Variants in TNFRSF21 observed in about 807,000 individuals in gnomAD.
TNFRSF21 encodes TNF receptor superfamily member 21.
In TNFRSF21, 19 loss-of-function variants were observed where a neutral mutation model predicts 45.6. That is an observed-to-expected ratio of 0.42 (90% CI 0.29 to 0.61). The LOEUF (loss-of-function observed/expected upper bound fraction) is 0.61, where lower values mean the gene tolerates loss of function less well. Among genes scored for constraint, TNFRSF21 ranks in the 20% least tolerant of loss-of-function variants. The pLI, the probability that TNFRSF21 is intolerant of heterozygous loss-of-function variation, is 0.23. For missense variants in TNFRSF21, 737 were observed against 851.5 expected (o/e 0.87, Z 1.67); for synonymous variants, 314 against 335.5 (o/e 0.94, Z 0.70).
Position 47,231,849 on chromosome 6 carries a change from C to CATA in TNFRSF21, c.*915_*916insTAT, listed in dbSNP as rs1764587084. 1 of 152,626 alleles carries CATA rather than the reference C, an allele frequency of 6.6e-6. No individual in the cohort carries two copies. The highest frequency in any genetic ancestry group is 2.4e-5 in the African/African-American group (1 of 41,442). 9.5% of individuals were successfully genotyped at this position (152,626 alleles called of 1,614,324 possible). Reference sequence around the variant, plus strand: ...ATAAAAAACAAGACATCTTTTAAAGCAAAGCTGGGCAAATTCTCTATGGAA... The same window carrying CATA: ...ATAAAAAACAAGACATCTTTTAAAGCATAAAAGCTGGGCAAATTCTCTATGGAA... On this transcript the variant is annotated 3_prime_UTR_variant, in exon 6 of 6. Coordinates refer to ENST00000296861, the MANE Select transcript of TNFRSF21 (RefSeq NM_014452.5).
At chr6:47,284,772 T>C (rs1157684692) in intron 2 of TNFRSF21, among the ~76,000 whole-genome samples, 1 of 152,196 alleles carries the variant, frequency 6.6e-6, no homozygotes, top group Non-Finnish European at 1.5e-5. Context: ...TTATTTTGAG[T>C]TTTCAGAGAA....
chr6:47,249,138 C>T (rs561429152), intron 4 of TNFRSF21, among the ~76,000 whole-genome samples: 2 of 152,218 alleles, frequency 1.3e-5, no homozygotes, highest in African/African-American at 4.8e-5. Context: ...CTCCTCCCAA[C>T]CTCTTGGATT....
At chr6:47,302,911 G>T (rs1180251852) in intron 1 of TNFRSF21, among the ~76,000 whole-genome samples, 1 of 152,184 alleles carries the variant, frequency 6.6e-6, no homozygotes, top group Admixed American at 6.5e-5. Flanking sequence ...GTAAAATGGG[G>T]CTAATGCTAC....
rs533443859 is a variant in TNFRSF21, at chr6:47,255,663, G to A, written c.1244-2142C>T. ...TTTTAGTAGAGATGAGGTTTCATCA[G>A]TGTTGGCCAGGCTGGTCTCAAACTC... is the stretch of plus-strand genomic sequence containing the variant. On this transcript the variant is annotated intron_variant, in intron 3 of 5. Coordinates refer to ENST00000296861, the MANE Select transcript of TNFRSF21 (RefSeq NM_014452.5). Among the ~76,000 whole-genome samples, 556 of 152,118 alleles carry A rather than the reference G, an allele frequency of 3.7e-3. 3 individuals carry two copies. Among genetic ancestry groups the A allele is most frequent in the South Asian group, 0.021 (103 of 4,824 alleles).
At position 47,284,159 on chromosome 6, in the gene TNFRSF21, T is replaced by A. The variant is rs775155357; in HGVS notation, c.1022A>T (p.His341Leu). 3.3e-5 allele frequency: 54 copies of A among 1,614,096 alleles called. No homozygotes were observed. The highest frequency in any genetic ancestry group is 4.3e-5 in the Non-Finnish European group (51 of 1,180,042). ...PKRGHPRQNL[H>L]KHFDINEHLP... Reference sequence around the variant, plus strand: ...ATGCTCATTGATGTCAAAATGCTTGTGTAGGTTCTGTCTAGGATGTCCCCT... The same window carrying A: ...ATGCTCATTGATGTCAAAATGCTTGAGTAGGTTCTGTCTAGGATGTCCCCT... The change falls in exon 3 of 6, where the codon CAC becomes CTC. Residue 341 changes from histidine (H) to leucine (L), a missense_variant. By Grantham distance (99) the His-to-Leu change is moderately conservative. Coordinates refer to ENST00000296861, the MANE Select transcript of TNFRSF21 (RefSeq NM_014452.5).
At chr6:47,270,410 C>A (rs1229838377) in intron 3 of TNFRSF21, among the ~76,000 whole-genome samples, 1 of 152,172 alleles carries the variant, frequency 6.6e-6, no homozygotes, top group African/African-American at 2.4e-5. Context: ...AACAGACCTG[C>A]AGCTGAGGGA....
chr6:47,276,424 C>A (rs929537377), intron 3 of TNFRSF21, among the ~76,000 whole-genome samples: 1 of 152,150 alleles, frequency 6.6e-6, no homozygotes, highest in African/African-American at 2.4e-5. Context: ...AAACTGAGCT[C>A]GAACTGTTGA....
chr6:47,292,066 G>T (rs1762736374), intron 1 of TNFRSF21, among the ~76,000 whole-genome samples: 1 of 152,184 alleles, frequency 6.6e-6, no homozygotes, highest in South Asian at 2.1e-4. Flanking sequence ...CATTCCCAGT[G>T]ATGATCTGGG....
intron 3 of TNFRSF21, among the ~76,000 whole-genome samples, chr6:47,281,950 G>A (rs1762572905): frequency 6.6e-6 from 1 of 152,000 alleles, no homozygotes; most frequent in African/African-American, 2.4e-5. Flanking sequence ...CAAATAGGAT[G>A]TTTGCCTCTG....
chr6:47,258,961 T>C (rs1184245163), intron 3 of TNFRSF21, among the ~76,000 whole-genome samples: 8 of 152,182 alleles, frequency 5.3e-5, no homozygotes. Flanking sequence ...ACAAAAAAAG[T>C]AGGCTGGATA....
chr6:47,235,647 G>A (rs528941783), intron 4 of TNFRSF21, among the ~76,000 whole-genome samples: 127 of 152,310 alleles, frequency 8.3e-4, no homozygotes, highest in African/African-American at 2.8e-3. Flanking sequence ...CTGGAGAAGT[G>A]AAGTGACTTT....
chr6:47,308,813 C>A (rs1374282104), intron 1 of TNFRSF21, among the ~76,000 whole-genome samples: 1 of 152,212 alleles, frequency 6.6e-6, no homozygotes, highest in Non-Finnish European at 1.5e-5. Flanking sequence ...AGACCCCACC[C>A]GAGCCAAGAG....
At chr6:47,289,811 T>A (rs552983147) in intron 1 of TNFRSF21, among the ~76,000 whole-genome samples, 1 of 152,092 alleles carries the variant, frequency 6.6e-6, no homozygotes, top group East Asian at 1.9e-4. Flanking sequence ...TTGGTCAACA[T>A]GGTGAAATCC....
At chr6:47,309,313 C>G in intron 1 of TNFRSF21, 103 bp downstream of exon 1, 2 of 1,422,156 alleles carry the variant, frequency 1.4e-6, no homozygotes, top group Non-Finnish European at 1.8e-6. Flanking sequence ...TCGGCCGGGC[C>G]CCGCGCCTCC....
rs1167443337 is a variant in TNFRSF21 at position 47,283,954 on chromosome 6, G to A, written c.1227C>T (p.Tyr409=). 6.2e-7 allele frequency: 1 copy of A among 1,613,774 alleles called. No homozygotes were observed. Among genetic ancestry groups the A allele is most frequent in the African/African-American group, 1.3e-5 (1 of 75,008 alleles). ...TPTQNREKWI[Y]YCNGHGIDIL... is the part of the protein sequence containing the mutation. The stretch of plus-strand genomic sequence containing the variant: ...AAGGCTCACCATGGCCATTGCAGTA[G>A]TAGATCCATTTCTCCCGGTTCTGGG... The change falls in exon 3 of 6, where the codon TAC becomes TAT. Residue 409 remains tyrosine (Y), a synonymous_variant. Transcript: ENST00000296861.
chr6:47,305,861 C>T (rs943159420), intron 1 of TNFRSF21, among the ~76,000 whole-genome samples: 11 of 152,296 alleles, frequency 7.2e-5, no homozygotes, highest in Middle Eastern at 3.4e-3. Context: ...GCAGTTAAAG[C>T]GAGCTCCCCG....
chr6:47,286,584 A>C lies in TNFRSF21; in HGVS notation c.108T>G (p.Leu36=). The change falls in exon 2 of 6, where the codon CTT becomes CTG. Residue 36 remains leucine, a synonymous_variant. Transcript: ENST00000296861. ...GTTCTGGCTGAGCTGTGGTGGTGCT[A>C]AGGAATCCAAGCTGAAAGAAACAGA... The part of the protein sequence containing the change: ...IAGSLLLLGF[L]STTTAQPEQK... 6.3e-7 allele frequency: 1 copy of C among 1,599,758 alleles called. No homozygotes were observed. The highest frequency in any genetic ancestry group is 8.6e-7 in the Non-Finnish European group (1 of 1,169,178).
In TNFRSF21 at chr6:47,253,407, G is replaced by C. The variant is rs764882206; in HGVS notation, c.1358C>G (p.Thr453Arg). 1 of 1,614,174 alleles carries C rather than the reference G, an allele frequency of 6.2e-7. No homozygotes were observed. Among genetic ancestry groups the C allele is most frequent in the South Asian group, 1.1e-5 (1 of 91,076 alleles). ...TGCGTAGGCCCGCTCGTGGTCGGCT[G>C]TGTACCCATTGGAGAAAGCAGCAAC... The part of the protein sequence containing the change: ...REVAAFSNGY[T>R]ADHERAYAAL... Residue 453 changes from threonine (T) to arginine (R), a missense_variant, in exon 4 of 6, where the codon ACA becomes AGA. By Grantham distance (71) the Thr-to-Arg change is moderately conservative. Coordinates refer to ENST00000296861, the MANE Select transcript of TNFRSF21 (RefSeq NM_014452.5).
chr6:47,290,488 A>T (rs1011431052), intron 1 of TNFRSF21, among the ~76,000 whole-genome samples: 1 of 152,194 alleles, frequency 6.6e-6, no homozygotes, highest in African/African-American at 2.4e-5. Context: ...AAACCAAAAA[A>T]GGTTTTCCTA....
Sources: gnomAD v4.1 joint callset for allele counts (sites outside exome capture counted in the v4.1 genomes callset) on GRCh38, gnomAD v4.1.1 for gene constraint, MANE v1.5 for transcripts, NCBI Gene and HGNC (gene_info 2026-07-23, HGNC 2026-07-21) for gene names.